DCAF12: variants seen among roughly 807,000 people sequenced by gnomAD.
DCAF12 encodes the protein DDB1- and CUL4-associated factor 12.
Under a neutral mutation model 52.8 loss-of-function variants are expected in DCAF12, and 28 were observed. That is an observed-to-expected ratio of 0.53 (90% confidence interval 0.39 to 0.73). The LOEUF (loss-of-function observed/expected upper bound fraction) is 0.73, where lower values mean the gene tolerates loss of function less well. DCAF12 is among the 30% of genes least tolerant of loss of function. The probability of loss-of-function intolerance (pLI) is 0.00; values close to 1 mark genes in which losing one functional copy is unlikely to be tolerated. For missense variants in DCAF12, 425 were observed against 552.2 expected, an observed-to-expected ratio of 0.77 and a Z score of 2.31; for synonymous variants, 196 against 215.5, an observed-to-expected ratio of 0.91 and a Z score of 0.79.
At chr9:34,102,634 CAG>C (rs1828846795) in intron 4 of DCAF12, among the ~76,000 whole-genome samples, 1 of 150,120 alleles carries the variant, frequency 6.7e-6, no homozygotes, top group Non-Finnish European at 1.5e-5. Context: ...GCCTGGATGA[CAG>C]AGACTCCATC....
intron 7 of DCAF12, 41 bp downstream of exon 7, chr9:34,093,245 C>A: frequency 1.9e-5 from 30 of 1,610,520 alleles, no homozygotes; most frequent in Non-Finnish European, 2.5e-5. Context: ...AACCCATATG[C>A]AGTGCAGCTG....
At position 34,089,448 on chromosome 9, in the gene DCAF12, C is replaced by G; in HGVS notation, c.1167G>C (p.Gly389=). The change falls in exon 8 of 9, where the codon GGG becomes GGC. Residue 389 remains glycine, a synonymous_variant. Transcript: ENST00000361264. The stretch of plus-strand genomic sequence containing the variant: ...TGCCAGTGGTTAGTTTCAGATTCTC[C>G]CCTGCTAGTCTGGGCTTGGACCCAT... ...ACYGSKPRLA[G]ENLKLTTGKG... The G allele has an allele frequency of 6.2e-7, 1 of 1,613,964 alleles. No homozygotes were observed. The highest frequency in any genetic ancestry group is 8.5e-7 in the Non-Finnish European group (1 of 1,179,944).
At position 34,087,535 on chromosome 9, in the gene DCAF12, G is replaced by A. The variant is rs144482947; in HGVS notation, c.*815C>T. 1,975 of 152,310 alleles carry A rather than the reference G, an allele frequency of 0.013. 24 individuals carry two copies. The highest frequency in any genetic ancestry group is 0.056 in the South Asian group (272 of 4,830). 9.4% of individuals were successfully genotyped at this position (152,310 alleles called of 1,614,324 possible). On this transcript the variant is annotated 3_prime_UTR_variant, in exon 9 of 9. Coordinates refer to ENST00000361264, the MANE Select transcript of DCAF12 (RefSeq NM_015397.4). ...GGATGGTGAGTCTGATGTTTTAGGG[G>A]TGTGGCTACTGGCTAAGCAGATGTG...
At chr9:34,094,107 TAAG>T (rs1242513081) in intron 6 of DCAF12, among the ~76,000 whole-genome samples, 5 of 152,082 alleles carry the variant, frequency 3.3e-5, no homozygotes, top group Non-Finnish European at 5.9e-5. Flanking sequence ...TCCTCAAGGA[TAAG>T]AAGAAGAGAA....
chr9:34,108,798 A>T lies in DCAF12; in HGVS notation c.334-1233T>A, dbSNP rs574289734. 4.8e-4 allele frequency among the ~76,000 whole-genome samples: 65 copies of T among 136,460 alleles called. No individual in the cohort carries two copies. The East Asian group carries it at 6.4e-3, about 13-fold the overall frequency. 89.5% of individuals were successfully genotyped at this position (136,460 alleles called of 152,430 possible). A position where few individuals can be genotyped will look rare whatever the true frequency, so the allele number is the denominator to read the frequency against. On this transcript the variant is annotated intron_variant, in intron 2 of 8. Transcript: ENST00000361264. ...GAGACTGTGAGACTTGGTCTCAAAAAAAATAAATAAATAAATATATATATA... is the reference window on the plus strand; with the variant it reads ...GAGACTGTGAGACTTGGTCTCAAAATAAATAAATAAATAAATATATATATA...
intron 2 of DCAF12, among the ~76,000 whole-genome samples, chr9:34,121,673 G>A (rs371468894): frequency 3.9e-5 from 6 of 152,208 alleles, no homozygotes; most frequent in South Asian, 2.1e-4. Context: ...GGCCAGGCGC[G>A]GTGGCTCATG....
intron 2 of DCAF12, among the ~76,000 whole-genome samples, chr9:34,114,682 G>A (rs376007686): frequency 2.6e-5 from 4 of 152,032 alleles, no homozygotes; most frequent in East Asian, 1.9e-4. Context: ...CTCGAGGCTC[G>A]GGCTCCCTGC....
intron 3 of DCAF12, 62 bp from the exon 4 acceptor site, chr9:34,106,556 G>C (rs1404708808): frequency 7.4e-7 from 1 of 1,345,022 alleles, no homozygotes; most frequent in African/African-American, 1.4e-5. Flanking sequence ...AATAAGGATT[G>C]TAATAAACTC....
rs1425585123 is a variant in DCAF12, at chr9:34,107,375, G to A, written c.524C>T (p.Pro175Leu). The change falls in exon 3 of 9, where the codon CCT becomes CTT. Residue 175 changes from proline (P) to leucine (L), a missense_variant. Pro to Leu is a moderately conservative substitution (Grantham distance 98, BLOSUM62 -3). This residue lies in a region of DCAF12 where 328 missense variants were observed against 444.4 expected (regional missense o/e 0.74). Coordinates refer to ENST00000361264, the MANE Select transcript of DCAF12 (RefSeq NM_015397.4). ...AAAACTTACATCTCCTACACACACA[G>A]GATCCAGCGTAGGTAGTCGATAGAT... ...LAIYRLPTLD[P>L]VCVGDDGHKD... 2 of 1,614,040 alleles carry A rather than the reference G, an allele frequency of 1.2e-6. No individual in the cohort carries two copies. Among genetic ancestry groups the A allele is most frequent in the Non-Finnish European group, 8.5e-7 (1 of 1,179,964 alleles).
intron 2 of DCAF12, 81 bp from the exon 3 acceptor site, chr9:34,107,646 G>A: frequency 1.6e-6 from 2 of 1,215,534 alleles, no homozygotes; most frequent in South Asian, 1.3e-5. Flanking sequence ...TTGTTCAACT[G>A]TTCATCAACA....
At chr9:34,093,473 C>T in intron 6 of DCAF12, 25 bp from the exon 7 acceptor site, 1 of 1,611,660 alleles carries the variant, frequency 6.2e-7, no homozygotes, top group East Asian at 2.2e-5. Flanking sequence ...GAGATATAAC[C>T]ATGGCATCAG....
At chr9:34,090,833 T>A (rs1231026865) in intron 7 of DCAF12, among the ~76,000 whole-genome samples, 1 of 151,784 alleles carries the variant, frequency 6.6e-6, no homozygotes, top group Non-Finnish European at 1.5e-5. Flanking sequence ...TTTGTTTGTA[T>A]TTTTAGTAGA....
At position 34,093,429 on chromosome 9, in the gene DCAF12, G is replaced by A; in HGVS notation, c.881C>T (p.Pro294Leu). 1 of 1,614,134 alleles carries A rather than the reference G, an allele frequency of 6.2e-7. No homozygotes were observed. Among genetic ancestry groups the A allele is most frequent in the African/African-American group, 1.3e-5 (1 of 75,042 alleles). Reference protein sequence around the residue: ...TLSKLLSTKLPYCRENVCLAY... With the variant: ...TLSKLLSTKLLYCRENVCLAY... The stretch of plus-strand genomic sequence containing the variant: ...CAGACACACATTCTCACGGCAATAT[G>A]GCAGTTTGGTGGAGAGGAGCTGAAA... Residue 294 changes from proline to leucine, a missense_variant, in exon 7 of 9, where the codon CCA (proline) becomes CTA (leucine). Coordinates refer to ENST00000361264, the MANE Select transcript of DCAF12 (RefSeq NM_015397.4).
At chr9:34,114,556 G>T (rs747472881) in intron 2 of DCAF12, among the ~76,000 whole-genome samples, 24 of 152,168 alleles carry the variant, frequency 1.6e-4, no homozygotes, top group Non-Finnish European at 2.6e-4. Context: ...CTCTTCCCAA[G>T]CTCTCTGACA....
intron 7 of DCAF12, 56 bp downstream of exon 7, chr9:34,093,230 G>A (rs1368946692): frequency 1.3e-6 from 2 of 1,599,970 alleles, no homozygotes; most frequent in Non-Finnish European, 1.7e-6. Flanking sequence ...GAAACTGAAA[G>A]TCAGAACCCA....
chr9:34,086,818 T>C lies in DCAF12; in HGVS notation c.*1532A>G, dbSNP rs1587728341. Reference sequence around the variant, plus strand: ...AATATATATATAATTTTTTTTCCAATTTCCCTTCTTACACCCAGAGAAGAG... The same window carrying C: ...AATATATATATAATTTTTTTTCCAACTTCCCTTCTTACACCCAGAGAAGAG... On this transcript the variant is annotated 3_prime_UTR_variant, in exon 9 of 9. Transcript: ENST00000361264. 1 of 152,120 alleles carries C rather than the reference T, an allele frequency of 6.6e-6. No individual in the cohort carries two copies. Among genetic ancestry groups the C allele is most frequent in the African/African-American group, 2.4e-5 (1 of 41,442 alleles). 9.4% of individuals were successfully genotyped at this position (152,120 alleles called of 1,614,324 possible).
At chr9:34,118,034 T>G (rs1829113387) in intron 2 of DCAF12, among the ~76,000 whole-genome samples, 1 of 152,066 alleles carries the variant, frequency 6.6e-6, no homozygotes, top group Non-Finnish European at 1.5e-5. Flanking sequence ...ATCTGAAAAA[T>G]GAAAGGGGAA....
At chr9:34,108,713 G>A (rs1828944751) in intron 2 of DCAF12, among the ~76,000 whole-genome samples, 1 of 151,352 alleles carries the variant, frequency 6.6e-6, no homozygotes. Flanking sequence ...TTGAACCGAG[G>A]AGGCGGAGGT....
At chr9:34,107,597 A>G in intron 2 of DCAF12, 32 bp from the exon 3 acceptor site, 3 of 1,605,592 alleles carry the variant, frequency 1.9e-6, no homozygotes, top group Non-Finnish European at 2.6e-6. Context: ...GAAGCTGAAC[A>G]TAAATTTAAC....
Sources: gnomAD v4.1 joint callset for allele counts (sites outside exome capture counted in the v4.1 genomes callset) on GRCh38, gnomAD v4.1.1 for gene constraint, gnomAD v4.1.1 regional missense constraint, MANE v1.5 for transcripts, NCBI Gene and HGNC (gene_info 2026-07-23, HGNC 2026-07-21) for gene names.